Variants in RYR3 observed in about 807,000 individuals in gnomAD.
The protein encoded by RYR3 is brain ryanodine receptor-calcium release channel.
A neutral mutation model predicts 584.3 loss-of-function variants in RYR3; 207 were observed. That is an observed-to-expected ratio of 0.35 (90% CI 0.32 to 0.40). RYR3 has a LOEUF of 0.40. Ranked by LOEUF, RYR3 falls within the 10% of genes least tolerant of loss-of-function variation. The pLI, the probability that RYR3 is intolerant of heterozygous loss-of-function variation, is 1.00. For synonymous variants in RYR3, 2,416 were observed against 2,248.5 expected, an observed-to-expected ratio of 1.07 and a Z score of -2.11; for missense variants, 5,616 against 6,089.2, an observed-to-expected ratio of 0.92 and a Z score of 2.59.
chr15:33,345,515 T>C (rs1340579785), intron 1 of RYR3, among the ~76,000 whole-genome samples: 3 of 152,120 alleles, frequency 2.0e-5, no homozygotes, highest in African/African-American at 7.2e-5. Flanking sequence ...TATAAATGTT[T>C]TCACGATGGA....
chr15:33,694,718 T>C (rs2065713729), intron 38 of RYR3, among the ~76,000 whole-genome samples: 1 of 152,182 alleles, frequency 6.6e-6, no homozygotes. Flanking sequence ...AGGATACAGA[T>C]ATTATCTAAC....
chr15:33,556,368 G>T (rs1333716477), intron 10 of RYR3, among the ~76,000 whole-genome samples: 2 of 152,108 alleles, frequency 1.3e-5, no homozygotes, highest in Admixed American at 1.3e-4. Context: ...ATTCTAAGAT[G>T]CAACTCTGTG....
chr15:33,615,493 G>A (rs2060403220), intron 19 of RYR3, among the ~76,000 whole-genome samples: 1 of 152,172 alleles, frequency 6.6e-6, no homozygotes, highest in Non-Finnish European at 1.5e-5. Flanking sequence ...ATATACACAA[G>A]CATATTTACA....
At chr15:33,859,492 CCGAATCATATGAATGATCTGAG>C in intron 99 of RYR3, 61 bp from the exon 100 acceptor site, 2 of 1,513,164 alleles carry the variant, frequency 1.3e-6, no homozygotes, top group Non-Finnish European at 1.8e-6. Flanking sequence ...CACAATCTGA[CCGAATCATATGAATGATCTGAG>C]CATCTTGCTA....
intron 38 of RYR3, among the ~76,000 whole-genome samples, chr15:33,687,082 G>C (rs1042589810): frequency 1.3e-5 from 2 of 152,220 alleles, no homozygotes; most frequent in Non-Finnish European, 2.9e-5. Context: ...TCAGGCAAGA[G>C]AAAGAAATAA....
chr15:33,314,136 G>C (rs1213432732), intron 1 of RYR3, among the ~76,000 whole-genome samples: 2 of 152,184 alleles, frequency 1.3e-5, no homozygotes, highest in Admixed American at 1.3e-4. Context: ...TGTACCCCAA[G>C]CCTTAAGGAG....
rs577035064 is a variant in RYR3, at chr15:33,737,924, G to A, written c.7516-526G>A. On this transcript the variant is annotated intron_variant, in intron 49 of 103. Coordinates refer to ENST00000634891, the MANE Select transcript of RYR3 (RefSeq NM_001036.6). ...TGTGAAACTGCTGTAAAGTCACTGGGGTGTGAGAGAGGGGAGAGGGAGCGG... is the reference window on the plus strand; with the variant it reads ...TGTGAAACTGCTGTAAAGTCACTGGAGTGTGAGAGAGGGGAGAGGGAGCGG... 1.1e-4 allele frequency among the ~76,000 whole-genome samples: 17 copies of A among 152,190 alleles called. 1 individual carries two copies. The highest frequency in any genetic ancestry group is 1.0e-3 in the Admixed American group (16 of 15,290).
Position 33,540,882 on chromosome 15 carries a change from T to C in RYR3, c.638T>C (p.Ile213Thr). ...NVHPTCSGSS[I>T]EEGYLLGGHV... Reference sequence around the variant, plus strand: ...CATCCTACGTGCTCAGGAAGTAGCATCGAAGAAGGTGTGCTTCTTTAAATG... The same window carrying C: ...CATCCTACGTGCTCAGGAAGTAGCACCGAAGAAGGTGTGCTTCTTTAAATG... The change falls in exon 7 of 104, where the codon ATC becomes ACC. Residue 213 changes from isoleucine to threonine, a missense_variant. By Grantham distance (89) the Ile-to-Thr change is moderately conservative. Around this residue, in one of 9 missense-constraint regions of RYR3, gnomAD observed 1,284 missense variants for 1,344.6 expected, o/e 0.95. Transcript: ENST00000634891. 6.2e-7 allele frequency: 1 copy of C among 1,607,614 alleles called. No individual in the cohort carries two copies. Among genetic ancestry groups the C allele is most frequent in the Admixed American group, 1.7e-5 (1 of 59,972 alleles).
At chr15:33,796,640 G>C (rs1015766492) in intron 67 of RYR3, among the ~76,000 whole-genome samples, 1 of 152,130 alleles carries the variant, frequency 6.6e-6, no homozygotes, top group Admixed American at 6.5e-5. Context: ...GGCAAAGTCT[G>C]GACTTTTAGC....
At position 33,821,312 on chromosome 15, in the gene RYR3, C is replaced by T. The variant is rs1477239834; in HGVS notation, c.10858C>T (p.Arg3620Trp). The T allele has an allele frequency of 2.5e-6, 4 of 1,603,646 alleles. No individual in the cohort carries two copies. Among genetic ancestry groups the T allele is most frequent in the African/African-American group, 1.3e-5 (1 of 74,672 alleles). Residue 3620 changes from arginine (R) to tryptophan (W), a missense_variant, in exon 79 of 104, where the codon CGG (arginine) becomes TGG (tryptophan). Physicochemically the swap from Arg to Trp is moderately radical, Grantham distance 101 (BLOSUM62 -3). This residue lies in a region of RYR3 where 954 missense variants were observed against 1,132.2 expected (regional missense o/e 0.84). Transcript: ENST00000634891. ...GCAAAAAACCCTCTATCAGCAAGCT[C>T]GGCTGCATGAGCGTGGTGCTGCAGA... ...EKQKTLYQQA[R>W]LHERGAAEMV...
intron 1 of RYR3, among the ~76,000 whole-genome samples, chr15:33,320,544 A>T (rs935069019): frequency 6.6e-6 from 1 of 152,232 alleles, no homozygotes; most frequent in Non-Finnish European, 1.5e-5. Context: ...ACTTTGAGGT[A>T]GCAAGGATAT....
chr15:33,351,716 A>G (rs1205323995), intron 1 of RYR3, among the ~76,000 whole-genome samples: 1 of 151,380 alleles, frequency 6.6e-6, no homozygotes, highest in Non-Finnish European at 1.5e-5. Context: ...ACAACCCTTC[A>G]TGCTAAAAAC....
chr15:33,373,437 T>A (rs1272902784), intron 1 of RYR3, among the ~76,000 whole-genome samples: 1 of 152,222 alleles, frequency 6.6e-6, no homozygotes, highest in Non-Finnish European at 1.5e-5. Context: ...TTCGTAAAGT[T>A]GTTACAAGGT....
chr15:33,838,223 G>T lies in RYR3; in HGVS notation c.12243G>T (p.Lys4081Asn). 4 of 1,614,042 alleles carry T rather than the reference G, an allele frequency of 2.5e-6. No homozygotes were observed. Among genetic ancestry groups the T allele is most frequent in the Non-Finnish European group, 3.4e-6 (4 of 1,179,892 alleles). ...DVVNEGGEQE[K>N]MELFVNFCED... Reference sequence around the variant, plus strand: ...TCAATGAAGGTGGGGAGCAGGAAAAGATGGAGCTGTTTGTGAACTTCTGTG... The same window carrying T: ...TCAATGAAGGTGGGGAGCAGGAAAATATGGAGCTGTTTGTGAACTTCTGTG... The change falls in exon 89 of 104, where the codon AAG (lysine) becomes AAT (asparagine). Residue 4081 changes from lysine to asparagine, a missense_variant. Coordinates refer to ENST00000634891, the MANE Select transcript of RYR3 (RefSeq NM_001036.6).
At chr15:33,685,846 G>A (rs2064969859) in intron 38 of RYR3, among the ~76,000 whole-genome samples, 2 of 152,100 alleles carry the variant, frequency 1.3e-5, no homozygotes, top group Admixed American at 1.3e-4. Flanking sequence ...ATGACTACTG[G>A]GTAAATAACG....
At chr15:33,313,367 C>T (rs926832851) in intron 1 of RYR3, among the ~76,000 whole-genome samples, 1 of 152,172 alleles carries the variant, frequency 6.6e-6, no homozygotes, top group Non-Finnish European at 1.5e-5. Flanking sequence ...TATATATAGT[C>T]TTAAGAATAT....
At chr15:33,664,589 G>GTGTGTATATATATATATATA (rs577496539) in intron 36 of RYR3, among the ~76,000 whole-genome samples, 7 of 91,382 alleles carry the variant, frequency 7.7e-5, no homozygotes, top group East Asian at 3.1e-4. Context: ...GTGTGTGTGT[G>GTGTGTATATATATATATATA]TATATATATA....
chr15:33,847,595 T>C (rs1185644517), intron 93 of RYR3: 1 of 152,350 alleles, frequency 6.6e-6, no homozygotes, highest in East Asian at 1.9e-4. Flanking sequence ...AAGTGGATTA[T>C]TTTCCAATCC....
chr15:33,352,877 A>G (rs962974821), intron 1 of RYR3, among the ~76,000 whole-genome samples: 3 of 152,138 alleles, frequency 2.0e-5, no homozygotes, highest in African/African-American at 7.2e-5. Flanking sequence ...AGTTCCAAAT[A>G]TTTCACTTAA....
Sources: gnomAD v4.1 joint callset for allele counts (sites outside exome capture counted in the v4.1 genomes callset) on GRCh38, gnomAD v4.1.1 for gene constraint, gnomAD v4.1.1 regional missense constraint, MANE v1.5 for transcripts, NCBI Gene and HGNC (gene_info 2026-07-23, HGNC 2026-07-21) for gene names.